Variants in DGKZ observed in about 807,000 individuals in gnomAD.
DGKZ encodes the protein diacylglycerol kinase zeta, also known as DAG kinase zeta.
In DGKZ, 45 loss-of-function variants were observed where a neutral mutation model predicts 142.5. That is an observed-to-expected ratio of 0.32 (90% confidence interval 0.25 to 0.40). The LOEUF is 0.40. Ranked by LOEUF, DGKZ falls within the 10% of genes least tolerant of loss-of-function variation. The pLI is 1.00. For synonymous variants in DGKZ, 442 were observed against 527.0 expected, an observed-to-expected ratio of 0.84 and a Z score of 2.21; for missense variants, 755 against 1,306.5, an observed-to-expected ratio of 0.58 and a Z score of 6.51.
At chr11:46,365,985 A>G (rs768298521) in intron 1 of DGKZ, 51 of 985,144 alleles carry the variant, frequency 5.2e-5, no homozygotes, top group Non-Finnish European at 6.0e-5. Flanking sequence ...CTAGGGTGCA[A>G]TGGGGGAGAG....
At chr11:46,337,879 C>T (rs940999958) in intron 1 of DGKZ, among the ~76,000 whole-genome samples, 1 of 152,132 alleles carries the variant, frequency 6.6e-6, no homozygotes, top group Non-Finnish European at 1.5e-5. Flanking sequence ...CTGTTTTGGC[C>T]CCAGAAGGGC....
rs1235581209 is a variant in DGKZ, at chr11:46,366,834, C to T, written c.162-457C>T. On this transcript the variant is annotated intron_variant, in intron 1 of 30. Transcript: ENST00000527911. ...CGGCGCCTCAGCCAGCGGCGGCCCT[C>T]AGGCCAGCACCCTGGCCCTGGGGGC... The T allele has an allele frequency of 7.8e-6, 12 of 1,545,854 alleles. No individual in the cohort carries two copies. Among genetic ancestry groups the T allele is most frequent in the African/African-American group, 1.4e-5 (1 of 73,438 alleles).
At chr11:46,334,718 A>T (rs1207789184) in intron 1 of DGKZ, among the ~76,000 whole-genome samples, 1 of 152,128 alleles carries the variant, frequency 6.6e-6, no homozygotes, top group Non-Finnish European at 1.5e-5. Flanking sequence ...CTCCATTACC[A>T]AGTTCTTCCA....
At chr11:46,373,411 T>C (rs1183758409) in intron 14 of DGKZ, among the ~76,000 whole-genome samples, 1 of 150,650 alleles carries the variant, frequency 6.6e-6, no homozygotes, top group East Asian at 2.0e-4. Context: ...CTCAGCCTCC[T>C]GAGTAGCTGG....
At chr11:46,379,799 C>T (rs1308495307) in intron 30 of DGKZ, 32 bp from the exon 31 acceptor site, 2 of 1,581,116 alleles carry the variant, frequency 1.3e-6, no homozygotes, top group African/African-American at 2.7e-5. Context: ...CTGCCTCTGG[C>T]CCCTGCTGAT....
chr11:46,378,887 G>A lies in DGKZ; in HGVS notation c.2419-104G>A, dbSNP rs1039905606. On this transcript the variant is annotated intron_variant, in intron 27 of 30. Transcript: ENST00000527911. ...AGGAGTAAGATGTGTGAGCGCACTC[G>A]TTTCAGGCCTGTGCTGGTGTACCCG... 64 of 1,462,442 alleles carry A rather than the reference G, an allele frequency of 4.4e-5. No individual in the cohort carries two copies. In the African/African-American group the frequency reaches 7.2e-4, roughly 16 times the overall value. 90.6% of individuals were successfully genotyped at this position (1,462,442 alleles called of 1,614,324 possible). A position where few individuals can be genotyped will look rare whatever the true frequency, so the allele number is the denominator to read the frequency against.
At chr11:46,376,120 G>A (rs751587443) in exon 22 of DGKZ, 3 of 1,611,380 alleles carry the variant, frequency 1.9e-6, no homozygotes, top group Non-Finnish European at 8.5e-7. Context: ...GAGCTCTGCC[G>A]TGCCCACATT....
At chr11:46,370,730 G>A (rs1016289405) in intron 6 of DGKZ, among the ~76,000 whole-genome samples, 1 of 152,144 alleles carries the variant, frequency 6.6e-6, no homozygotes, top group African/African-American at 2.4e-5. Context: ...GAGTCAGGGG[G>A]CCCGGGCTAA....
At chr11:46,345,401 C>T (rs754022261), upstream of DGKZ, 1 of 1,424,896 alleles carries the variant, frequency 7.0e-7, no homozygotes, top group South Asian at 1.5e-5. This position sits in a 1 kb window ranked among gnomAD's most constrained non-coding sequence, Gnocchi z 4.1. Flanking sequence ...AAGAGAGTCG[C>T]CGGGCAGGAT....
intron 1 of DGKZ, chr11:46,366,568 G>T (rs2136459439): frequency 1.2e-6 from 2 of 1,605,294 alleles, no homozygotes; most frequent in East Asian, 4.5e-5. Context: ...CCCAGCTTCT[G>T]GGTGCACCCC....
rs61693609 is a variant in DGKZ at position 46,376,658 on chromosome 11, C to T, written c.2202+94C>T. On this transcript the variant is annotated intron_variant, in intron 24 of 30. Coordinates refer to ENST00000527911, the Ensembl canonical transcript of DGKZ. The stretch of plus-strand genomic sequence containing the variant: ...CTTCCCTGTTAGCTCCCCCGATGGG[C>T]TCACCTCTGTCCTCATGCCTCTGAG... 2.4e-3 allele frequency: 3,566 copies of T among 1,506,858 alleles called. 72 individuals are homozygous for T. The African/African-American group carries it at 0.043, about 18-fold the overall frequency. 93.3% of individuals were successfully genotyped at this position (1,506,858 alleles called of 1,614,324 possible). A position where few individuals can be genotyped will look rare whatever the true frequency, so the allele number is the denominator to read the frequency against.
intron 6 of DGKZ, among the ~76,000 whole-genome samples, chr11:46,370,615 G>A (rs1053522759): frequency 7.2e-5 from 11 of 152,162 alleles, no homozygotes; most frequent in African/African-American, 2.7e-4. Flanking sequence ...TGGGGGTCTG[G>A]TCAGGCCTCG....
At chr11:46,356,031 C>T (rs1033821867) in intron 1 of DGKZ, among the ~76,000 whole-genome samples, 6 of 152,190 alleles carry the variant, frequency 3.9e-5, no homozygotes, top group African/African-American at 1.4e-4. Context: ...CAGGCATGAG[C>T]CACCCGCCCG....
chr11:46,356,410 CCACT>C (rs1379823986), intron 1 of DGKZ, among the ~76,000 whole-genome samples: 1 of 152,192 alleles, frequency 6.6e-6, no homozygotes, highest in Non-Finnish European at 1.5e-5. Flanking sequence ...GCTGTTCCCT[CCACT>C]CACTCTTCAA....
Position 46,347,477 on chromosome 11 carries a change from C to A in DGKZ, c.-183C>A, listed in dbSNP as rs1344673829. The A allele has an allele frequency of 6.1e-6, 6 of 982,084 alleles. No individual in the cohort carries two copies. The highest frequency in any genetic ancestry group is 3.6e-6 in the Non-Finnish European group (3 of 828,750). The allele number at this position is 982,084 out of a possible 1,614,324, so 60.8% of individuals were successfully genotyped here. ...CCGCGGCTGGCGGCACTTCCTGGAG[C>A]GGCGGCGGCAGCGGCTTCCCGGGCA... is the stretch of plus-strand genomic sequence containing the variant. On this transcript the variant is annotated 5_prime_UTR_variant, in exon 1 of 31. Coordinates refer to ENST00000527911, the Ensembl canonical transcript of DGKZ. This position sits in a 1 kb window ranked among gnomAD's most constrained non-coding sequence, Gnocchi z 6.4.
At chr11:46,364,574 G>T in intron 1 of DGKZ, 1 of 985,422 alleles carries the variant, frequency 1.0e-6, no homozygotes, top group Non-Finnish European at 1.2e-6. Flanking sequence ...CAAGAGCTGA[G>T]CTGTGCAGAA....
chr11:46,347,060 A>C (rs1383558042), upstream of DGKZ, among the ~76,000 whole-genome samples: 1 of 152,010 alleles, frequency 6.6e-6, no homozygotes, highest in Non-Finnish European at 1.5e-5. This position sits in a 1 kb window ranked among gnomAD's most constrained non-coding sequence, Gnocchi z 6.4. Context: ...GGAGCCAAGG[A>C]GGTATGGGTG....
At chr11:46,351,159 G>A (rs79261967) in intron 1 of DGKZ, among the ~76,000 whole-genome samples, 4 of 152,044 alleles carry the variant, frequency 2.6e-5, no homozygotes, top group Non-Finnish European at 5.9e-5. Flanking sequence ...AGGAGGACCC[G>A]CTTATCCTCT....
intron 1 of DGKZ, among the ~76,000 whole-genome samples, chr11:46,360,412 G>T (rs1466789398): frequency 2.0e-5 from 3 of 151,382 alleles, no homozygotes; most frequent in African/African-American, 4.9e-5. Flanking sequence ...GAGCTTTCAA[G>T]TTGCTGAACA....
Sources: allele counts gnomAD v4.1 joint callset (sites outside exome capture counted in the v4.1 genomes callset), GRCh38; gene constraint gnomAD v4.1.1; non-coding constraint Gnocchi (gnomAD v3.1); transcripts MANE v1.5; gene names NCBI Gene and HGNC (gene_info 2026-07-23, HGNC 2026-07-21).